The following DAZAP1 variants were observed in gnomAD, a reference collection of about 807,000 sequenced individuals.
The protein encoded by DAZAP1 is DAZ-associated protein 1.
DAZAP1 carries 6 observed loss-of-function variants against 60.1 expected under a neutral mutation model. The ratio of observed to expected loss-of-function variants is 0.10; its 90% CI spans 0.05 to 0.20. The LOEUF (loss-of-function observed/expected upper bound fraction) is 0.20. DAZAP1 is among the 10% of genes least tolerant of loss of function. The pLI, the probability that DAZAP1 is intolerant of heterozygous loss-of-function variation, is 1.00. For synonymous variants in DAZAP1, 235 were observed against 215.9 expected, an observed-to-expected ratio of 1.09 and a Z score of -0.78; for missense variants, 366 against 560.4, an observed-to-expected ratio of 0.65 and a Z score of 3.50.
At position 1,418,607 on chromosome 19, in the gene DAZAP1, C is replaced by G; in HGVS notation, c.238-59C>G. On this transcript the variant is annotated intron_variant, in intron 3 of 11. Transcript: ENST00000233078. This position sits in a 1 kb window ranked among gnomAD's most constrained non-coding sequence, Gnocchi z 5.7. ...GCCGTGGCTGCTGTTGTGCTGACAC[C>G]CTCTTTCCTAGAGAAACAGCCTCTT... 6.2e-7 allele frequency: 1 copy of G among 1,605,124 alleles called. No homozygotes were observed. The highest frequency in any genetic ancestry group is 8.5e-7 in the Non-Finnish European group (1 of 1,172,144).
chr19:1,418,137 C>A lies in DAZAP1; in HGVS notation c.71-67C>A. ...ACTGGAGGAGTGTGCGTGCCGGCAG[C>A]ACTGCCAGGCACGTGCCTAATGCTC... On this transcript the variant is annotated intron_variant, in intron 2 of 11. Coordinates refer to ENST00000233078, the MANE Select transcript of DAZAP1 (RefSeq NM_018959.4). The surrounding 1 kb of genome is among the most constrained non-coding windows in gnomAD (Gnocchi z 5.7). The A allele has an allele frequency of 2.0e-6, 3 of 1,535,752 alleles. No homozygotes were observed. In the South Asian group the frequency reaches 3.4e-5, roughly 18 times the overall value.
At chr19:1,414,694 C>T (rs1468383459) in intron 1 of DAZAP1, among the ~76,000 whole-genome samples, 1 of 151,780 alleles carries the variant, frequency 6.6e-6, no homozygotes, top group Non-Finnish European at 1.5e-5. Flanking sequence ...TGAGATCGCG[C>T]CACTACACTC....
intron 1 of DAZAP1, among the ~76,000 whole-genome samples, chr19:1,415,456 A>G (rs1391115218): frequency 7.4e-6 from 1 of 135,220 alleles, no homozygotes; most frequent in Non-Finnish European, 1.5e-5. Context: ...GTAAATGAGC[A>G]TTTTTCCGGT....
intron 4 of DAZAP1, among the ~76,000 whole-genome samples, chr19:1,420,627 C>T (rs1384840183): frequency 6.6e-6 from 1 of 152,164 alleles, no homozygotes; most frequent in Non-Finnish European, 1.5e-5. Flanking sequence ...TGCCCAGGAG[C>T]AGGCGCCCTT....
rs763002026 is a variant in DAZAP1, at chr19:1,428,805, C to T, written c.547-37C>T. ...CTAAAGGGAAGGGGGTGCTGGGACC[C>T]GCAGCCTCGCCCTAAACCAGAGCTC... is the stretch of plus-strand genomic sequence containing the variant. On this transcript the variant is annotated intron_variant, in intron 7 of 11. Coordinates refer to ENST00000233078, the MANE Select transcript of DAZAP1 (RefSeq NM_018959.4). The surrounding 1 kb of genome is among the most constrained non-coding windows in gnomAD (Gnocchi z 4.0). 1.2e-5 allele frequency: 19 copies of T among 1,611,256 alleles called. No homozygotes were observed. In the Middle Eastern group the frequency reaches 6.6e-4, roughly 56 times the overall value.
chr19:1,431,461 C>T (rs180747830), intron 10 of DAZAP1, among the ~76,000 whole-genome samples: 1 of 152,014 alleles, frequency 6.6e-6, no homozygotes, highest in East Asian at 1.9e-4. Context: ...TGGAGTTTCA[C>T]TTTTGTTGCC....
At position 1,417,524 on chromosome 19, in the gene DAZAP1, C is replaced by T. The variant is rs1222438510; in HGVS notation, c.54C>T (p.Asp18=). The change falls in exon 2 of 12, where the codon GAC becomes GAT. Residue 18 remains aspartate, a synonymous_variant. Transcript: ENST00000233078. ...EIGKLFVGGL[D]WSTTQETLRS... ...GGAAGCTCTTCGTGGGCGGTCTTGA[C>T]TGGAGCACGACCCAAGGTAGGTGGG... 1 of 1,607,222 alleles carries T rather than the reference C, an allele frequency of 6.2e-7. No individual in the cohort carries two copies. The highest frequency in any genetic ancestry group is 1.3e-5 in the African/African-American group (1 of 74,862).
At chr19:1,413,716 C>G (rs546319986) in intron 1 of DAZAP1, among the ~76,000 whole-genome samples, 72 of 152,330 alleles carry the variant, frequency 4.7e-4, no homozygotes, top group African/African-American at 1.7e-3. Flanking sequence ...GCGGGCGGGT[C>G]ACCTGCGGTG....
At position 1,418,889 on chromosome 19, in the gene DAZAP1, G is replaced by C. The variant is rs935620053; in HGVS notation, c.303+158G>C. ...AGCTGAGGATCACCCAGATTTATCA[G>C]TGCCGTGAGTGTTTTACAGCCAAGA... On this transcript the variant is annotated intron_variant, in intron 4 of 11. Coordinates refer to ENST00000233078, the MANE Select transcript of DAZAP1 (RefSeq NM_018959.4). The surrounding 1 kb of genome is among the most constrained non-coding windows in gnomAD (Gnocchi z 5.7). Among the ~76,000 whole-genome samples, 2 of 152,152 alleles carry C rather than the reference G, an allele frequency of 1.3e-5. No individual in the cohort carries two copies. The highest frequency in any genetic ancestry group is 2.9e-5 in the Non-Finnish European group (2 of 68,032).
chr19:1,432,271 G>A lies in DAZAP1; in HGVS notation c.872-243G>A, dbSNP rs2083470857. On this transcript the variant is annotated intron_variant, in intron 10 of 11. Transcript: ENST00000233078. This position sits in a 1 kb window ranked among gnomAD's most constrained non-coding sequence, Gnocchi z 4.9. ...ACCTGGCGGCTGCTCCGTGAGGAAC[G>A]AGGTGGCCCTGCTGCAGCTCAGCAT... 11 of 545,734 alleles carry A rather than the reference G, an allele frequency of 2.0e-5. No homozygotes were observed. The highest frequency in any genetic ancestry group is 2.9e-5 in the Non-Finnish European group (9 of 307,924). 33.8% of individuals were successfully genotyped at this position (545,734 alleles called of 1,614,324 possible).
intron 4 of DAZAP1, among the ~76,000 whole-genome samples, chr19:1,419,185 G>T (rs1263292512): frequency 6.6e-6 from 1 of 152,218 alleles, no homozygotes; most frequent in Non-Finnish European, 1.5e-5. Context: ...TGCTTGCCTG[G>T]CCGACAGGGC....
Position 1,430,254 on chromosome 19 carries a change from G to GGGCCCCCCCCCCCCC in DAZAP1, c.763_764insGGCCCCCCCCCCCCC (p.Ala255delinsGlyProProProProPro). ...TGGACCGCCCCCTGCAGGAAGAGGAGCCCCCCCGCCACCCCCACCGTTCAC... is the reference window on the plus strand; with the variant it reads ...TGGACCGCCCCCTGCAGGAAGAGGAGGGCCCCCCCCCCCCCCCCCCCCGCCACCCCCACCGTTCAC... On this transcript the variant is annotated protein_altering_variant, in exon 10 of 12. Coordinates refer to ENST00000233078, the MANE Select transcript of DAZAP1 (RefSeq NM_018959.4). 4 of 1,295,252 alleles carry GGGCCCCCCCCCCCCC rather than the reference G, an allele frequency of 3.1e-6. No individual in the cohort carries two copies. Among genetic ancestry groups the GGGCCCCCCCCCCCCC allele is most frequent in the East Asian group, 2.4e-5 (1 of 42,104 alleles). 80.2% of individuals were successfully genotyped at this position (1,295,252 alleles called of 1,614,324 possible).
chr19:1,428,739 G>GT lies in DAZAP1; in HGVS notation c.547-102dup. On this transcript the variant is annotated intron_variant, in intron 7 of 11. Coordinates refer to ENST00000233078, the MANE Select transcript of DAZAP1 (RefSeq NM_018959.4). This position sits in a 1 kb window ranked among gnomAD's most constrained non-coding sequence, Gnocchi z 4.0. Reference sequence around the variant, plus strand: ...ATAGTTAAGTATTTAGTCTTAAGTTGTAAGATGCTAAGTGTAGTCATAAGT... The same window carrying GT: ...ATAGTTAAGTATTTAGTCTTAAGTTGTTAAGATGCTAAGTGTAGTCATAAGT... 7.3e-7 allele frequency: 1 copy of GT among 1,367,116 alleles called. No individual in the cohort carries two copies. Among genetic ancestry groups the GT allele is most frequent in the South Asian group, 1.3e-5 (1 of 75,328 alleles). 84.7% of individuals were successfully genotyped at this position (1,367,116 alleles called of 1,614,324 possible). A position where few individuals can be genotyped will look rare whatever the true frequency, so the allele number is the denominator to read the frequency against.
rs557269721 is a variant in DAZAP1 at position 1,416,202 on chromosome 19, G to A, written c.30-1298G>A. 1 of 152,212 alleles carries A rather than the reference G, an allele frequency of 6.6e-6. No homozygotes were observed. The highest frequency in any genetic ancestry group is 2.4e-5 in the African/African-American group (1 of 41,440). The allele number at this position is 152,212 out of a possible 1,614,324, so 9.4% of individuals were successfully genotyped here. On this transcript the variant is annotated intron_variant, in intron 1 of 11. Coordinates refer to ENST00000233078, the MANE Select transcript of DAZAP1 (RefSeq NM_018959.4). This position sits in a 1 kb window ranked among gnomAD's most constrained non-coding sequence, Gnocchi z 4.3. ...CTCCTGCTGCTGGTGGGGCAGTAAC[G>A]TGTTCAACCTGACAGCGACGTTTTT...
Position 1,429,987 on chromosome 19 carries a change from C to G in DAZAP1, c.721C>G (p.Gln241Glu). 1 of 1,572,282 alleles carries G rather than the reference C, an allele frequency of 6.4e-7. No individual in the cohort carries two copies. Among genetic ancestry groups the G allele is most frequent in the Non-Finnish European group, 8.6e-7 (1 of 1,157,696 alleles). Residue 241 changes from glutamine to glutamate, a missense_variant, in exon 9 of 12, where the codon CAG becomes GAG. Gln to Glu is a conservative substitution (Grantham distance 29). Coordinates refer to ENST00000233078, the MANE Select transcript of DAZAP1 (RefSeq NM_018959.4). ...GPQGMWVPAG[Q>E]AIGGYGPPPA... ...TCTAGGAATGTGGGTGCCGGCAGGA[C>G]AGGCGATTGGTAAGTCCTTGTTTAT...
In DAZAP1 at chr19:1,409,022, A is replaced by G. The variant is rs561174217; in HGVS notation, c.29+1220A>G. On this transcript the variant is annotated intron_variant, in intron 1 of 11. Transcript: ENST00000233078. ...TTGGCAGGCGCCTCTCGCACCAGCT[A>G]CAGGTCACACTTGTGGATGGGAAAT... is the stretch of plus-strand genomic sequence containing the variant. Among the ~76,000 whole-genome samples, 10 of 152,334 alleles carry G rather than the reference A, an allele frequency of 6.6e-5. No individual in the cohort carries two copies. In the East Asian group the frequency reaches 1.7e-3, roughly 26 times the overall value.
At position 1,418,353 on chromosome 19, in the gene DAZAP1, A is replaced by T. The variant is rs774079955; in HGVS notation, c.220A>T (p.Thr74Ser). Residue 74 changes from threonine (T) to serine (S), a missense_variant, in exon 3 of 12, where the codon ACG becomes TCG. Thr to Ser is a moderately conservative substitution (Grantham distance 58, BLOSUM62 1). Coordinates refer to ENST00000233078, the MANE Select transcript of DAZAP1 (RefSeq NM_018959.4). This position sits in a 1 kb window ranked among gnomAD's most constrained non-coding sequence, Gnocchi z 5.7. ...VGTVLASRPH[T>S]LDGRNIDPKP... is the part of the protein sequence containing the mutation. ...GACGGTGCTGGCCAGCAGACCGCAC[A>T]CGCTAGATGGCCGAAACGTAAGTGC... is the stretch of plus-strand genomic sequence containing the variant. 6.2e-7 allele frequency: 1 copy of T among 1,613,552 alleles called. No homozygotes were observed. The highest frequency in any genetic ancestry group is 8.5e-7 in the Non-Finnish European group (1 of 1,179,676).
In DAZAP1 at chr19:1,432,391, GTTCT is replaced by G; in HGVS notation, c.872-122_872-119del. 4 of 1,000,848 alleles carry G rather than the reference GTTCT, an allele frequency of 4.0e-6. No homozygotes were observed. The highest frequency in any genetic ancestry group is 4.6e-6 in the Non-Finnish European group (3 of 645,340). The allele number at this position is 1,000,848 out of a possible 1,614,324, so 62.0% of individuals were successfully genotyped here. ...CTGTGGATGTCCACAAGGCCTGGGC[GTTCT>G]GTGGGTTTGGGTGGCAGTCCCGTCT... On this transcript the variant is annotated intron_variant, in intron 10 of 11. Coordinates refer to ENST00000233078, the MANE Select transcript of DAZAP1 (RefSeq NM_018959.4). This position sits in a 1 kb window ranked among gnomAD's most constrained non-coding sequence, Gnocchi z 4.9.
At chr19:1,408,508 C>G (rs1423783706) in intron 1 of DAZAP1, among the ~76,000 whole-genome samples, 1 of 152,260 alleles carries the variant, frequency 6.6e-6, no homozygotes, top group Non-Finnish European at 1.5e-5. Context: ...CTATCCCACT[C>G]GGGGCTCCGG....
Sources: allele counts gnomAD v4.1 joint callset (sites outside exome capture counted in the v4.1 genomes callset), GRCh38; gene constraint gnomAD v4.1.1; non-coding constraint Gnocchi (gnomAD v3.1); transcripts MANE v1.5; gene names NCBI Gene and HGNC (gene_info 2026-07-23, HGNC 2026-07-21).